The following RSRC1 variants were observed in gnomAD, a reference collection of about 807,000 sequenced individuals.
The protein encoded by RSRC1 is serine/Arginine-related protein 53.
Under a neutral mutation model 49.1 loss-of-function variants are expected in RSRC1, and 39 were observed. The observed-to-expected ratio is 0.79, with a 90% CI of 0.61 to 1.04. The LOEUF (loss-of-function observed/expected upper bound fraction) is 1.04, where lower values mean the gene tolerates loss of function less well. RSRC1 is among the 50% of genes least tolerant of loss of function. The pLI, the probability that RSRC1 is intolerant of heterozygous loss-of-function variation, is 0.00. For synonymous variants in RSRC1, 143 were observed against 130.8 expected (o/e 1.09, Z -0.63); for missense variants, 388 against 402.4 (o/e 0.96, Z 0.31).
chr3:158,211,714 A>G (rs1455918840), intron 4 of RSRC1, among the ~76,000 whole-genome samples: 1 of 151,960 alleles, frequency 6.6e-6, no homozygotes, highest in Admixed American at 6.6e-5. Context: ...TGAACTTTAA[A>G]TTTATTATTC....
chr3:158,324,665 C>G (rs973954305), intron 5 of RSRC1, among the ~76,000 whole-genome samples: 3 of 152,300 alleles, frequency 2.0e-5, no homozygotes, highest in Admixed American at 2.0e-4. Flanking sequence ...CAAGTCTTTG[C>G]TACTGTGAAT....
chr3:158,391,980 T>C (rs1383196218), intron 6 of RSRC1, among the ~76,000 whole-genome samples: 1 of 152,106 alleles, frequency 6.6e-6, no homozygotes, highest in Non-Finnish European at 1.5e-5. Context: ...GAGGTGCTGC[T>C]GTCCTATTTT....
chr3:158,122,454 C>G (rs184901101), intron 2 of RSRC1, among the ~76,000 whole-genome samples, 156 bp downstream of exon 2: 1 of 152,048 alleles, frequency 6.6e-6, no homozygotes, highest in African/African-American at 2.4e-5. Flanking sequence ...CCACCAGGTC[C>G]AGTCCGTGGG....
At chr3:158,517,059 G>T (rs1309740781) in intron 7 of RSRC1, among the ~76,000 whole-genome samples, 2 of 152,210 alleles carry the variant, frequency 1.3e-5, no homozygotes, top group African/African-American at 2.4e-5. Context: ...CCCGTCTTCT[G>T]CGTCGCTCAC....
At chr3:158,151,566 T>C (rs1390305444) in intron 3 of RSRC1, among the ~76,000 whole-genome samples, 1 of 152,106 alleles carries the variant, frequency 6.6e-6, no homozygotes, top group Non-Finnish European at 1.5e-5. Context: ...GCTTAAAATG[T>C]TTTGGGGGAG....
chr3:158,309,219 A>C (rs1728001475), intron 5 of RSRC1, among the ~76,000 whole-genome samples: 1 of 151,852 alleles, frequency 6.6e-6, no homozygotes. Flanking sequence ...TCGACTAGTA[A>C]AATGCTGTTA....
At chr3:158,401,866 C>T (rs10446336) in intron 6 of RSRC1, among the ~76,000 whole-genome samples, 78,828 of 151,530 alleles carry the variant, frequency 0.52, 20,925 homozygotes, top group African/African-American at 0.61. Context: ...AATTTATGAA[C>T]TTAATGAAAA....
At chr3:158,336,368 C>CT (rs1221881807) in intron 5 of RSRC1, 3 of 152,204 alleles carry the variant, frequency 2.0e-5, no homozygotes, top group Non-Finnish European at 1.5e-5. Context: ...CTCTGGGAGG[C>CT]TTTGGTTGTG....
intron 5 of RSRC1, among the ~76,000 whole-genome samples, chr3:158,311,257 T>C (rs1272054365): frequency 6.6e-6 from 1 of 151,898 alleles, no homozygotes; most frequent in Non-Finnish European, 1.5e-5. Context: ...GTTAAACTCA[T>C]GTTTGTACTG....
intron 5 of RSRC1, among the ~76,000 whole-genome samples, chr3:158,329,145 T>G: frequency 6.6e-6 from 1 of 152,194 alleles, no homozygotes; most frequent in East Asian, 1.9e-4. Context: ...CATCTAATCT[T>G]TTTTCATGGT....
intron 7 of RSRC1, among the ~76,000 whole-genome samples, chr3:158,496,338 C>A (rs1739320250): frequency 6.6e-6 from 1 of 151,988 alleles, no homozygotes; most frequent in African/African-American, 2.4e-5. Flanking sequence ...TTGTTCCACT[C>A]CCAGAGTTTC....
chr3:158,504,785 G>A (rs1739778174), intron 7 of RSRC1, among the ~76,000 whole-genome samples: 1 of 152,202 alleles, frequency 6.6e-6, no homozygotes, highest in African/African-American at 2.4e-5. Context: ...GATATAGAAA[G>A]CATGCCTATT....
chr3:158,242,961 A>G (rs530181864), intron 4 of RSRC1, among the ~76,000 whole-genome samples: 4 of 152,246 alleles, frequency 2.6e-5, no homozygotes, highest in Admixed American at 2.6e-4. Context: ...CCCTTGTCAG[A>G]TGGGTAGATT....
intron 6 of RSRC1, among the ~76,000 whole-genome samples, chr3:158,397,238 T>G (rs1733661577): frequency 6.6e-6 from 1 of 152,164 alleles, no homozygotes; most frequent in South Asian, 2.1e-4. Flanking sequence ...TTGTTTAGAC[T>G]AACCAATACA....
rs572293387 is a variant in RSRC1, at chr3:158,322,739, T to A, written c.531+24664T>A. Among the ~76,000 whole-genome samples the A allele has an allele frequency of 3.9e-5, 6 of 152,338 alleles. No homozygotes were observed. In the South Asian group the frequency reaches 1.0e-3, roughly 26 times the overall value. ...CTCCTTCTAGGACTTCAATTACATG[T>A]ATGTTAGGATATTTGATGTTGTCCC... On this transcript the variant is annotated intron_variant, in intron 5 of 9. Transcript: ENST00000611884.
chr3:158,320,097 A>G (rs1311481821), intron 5 of RSRC1, among the ~76,000 whole-genome samples: 5 of 152,194 alleles, frequency 3.3e-5, no homozygotes, highest in Non-Finnish European at 7.4e-5. Flanking sequence ...AACCAACACT[A>G]AGATTGTTGA....
Position 158,543,505 on chromosome 3 carries a change from T to C in RSRC1, c.912+18T>C, listed in dbSNP as rs188134876. ...ATCCAAATGTAATATCCTTAAACTT[T>C]ACGAATGTCAGTTGAAGTCTAATTT... On this transcript the variant is annotated intron_variant, in intron 9 of 9. Coordinates refer to ENST00000611884, the MANE Select transcript of RSRC1 (RefSeq NM_001271838.2). 53 of 1,584,440 alleles carry C rather than the reference T, an allele frequency of 3.3e-5. No individual in the cohort carries two copies. In the African/African-American group the frequency reaches 5.9e-4, roughly 18 times the overall value.
intron 3 of RSRC1, 120 bp downstream of exon 3, chr3:158,124,111 A>AT: frequency 2.9e-6 from 2 of 686,544 alleles, no homozygotes; most frequent in Non-Finnish European, 4.3e-6. Context: ...GCTGGCACTT[A>AT]TTTTTTTCTC....
intron 4 of RSRC1, among the ~76,000 whole-genome samples, chr3:158,277,629 T>C (rs928664543): frequency 6.6e-6 from 1 of 152,196 alleles, no homozygotes; most frequent in Non-Finnish European, 1.5e-5. Flanking sequence ...TCTTTAACTT[T>C]GACAGCATGG....
Sources: allele counts gnomAD v4.1 joint callset (sites outside exome capture counted in the v4.1 genomes callset), GRCh38; gene constraint gnomAD v4.1.1; transcripts MANE v1.5; gene names NCBI Gene and HGNC (gene_info 2026-07-23, HGNC 2026-07-21).